The following SLC35F1 variants were observed in gnomAD, a reference collection of about 807,000 sequenced individuals.
SLC35F1 encodes the protein solute carrier family 35 member F1.
SLC35F1 carries 14 observed loss-of-function variants against 48.7 expected under a neutral mutation model. That is an observed-to-expected ratio of 0.29 (90% CI 0.19 to 0.45). SLC35F1 has a LOEUF of 0.45. Ranked by LOEUF, SLC35F1 falls within the 20% of genes least tolerant of loss-of-function variation. The probability of loss-of-function intolerance (pLI) is 1.00; values close to 1 mark genes in which losing one functional copy is unlikely to be tolerated. For missense variants in SLC35F1, 404 were observed against 500.0 expected, an observed-to-expected ratio of 0.81 and a Z score of 1.83; for synonymous variants, 190 against 202.2, an observed-to-expected ratio of 0.94 and a Z score of 0.51.
chr6:118,011,348 G>T (rs1034387208), intron 1 of SLC35F1, among the ~76,000 whole-genome samples: 1 of 152,182 alleles, frequency 6.6e-6, no homozygotes, highest in Non-Finnish European at 1.5e-5. Flanking sequence ...GGAGGAAGGT[G>T]AAGGGGAAGC....
At chr6:118,136,840 T>C (rs1773804432) in intron 1 of SLC35F1, among the ~76,000 whole-genome samples, 2 of 152,202 alleles carry the variant, frequency 1.3e-5, no homozygotes, top group South Asian at 4.1e-4. Context: ...GAGAACACTC[T>C]GTAAGAAAAC....
At chr6:118,228,523 C>T (rs1216632011) in intron 2 of SLC35F1, among the ~76,000 whole-genome samples, 2 of 151,894 alleles carry the variant, frequency 1.3e-5, no homozygotes, top group Admixed American at 6.6e-5. Flanking sequence ...GGCAACATGA[C>T]GAAATCCCGA....
chr6:117,989,473 G>A (rs1776890080), intron 1 of SLC35F1, among the ~76,000 whole-genome samples: 2 of 152,274 alleles, frequency 1.3e-5, no homozygotes, highest in East Asian at 1.9e-4. Flanking sequence ...TGGTCCGATT[G>A]TCCTAGGTAG....
chr6:118,127,375 C>A (rs1327456197), intron 1 of SLC35F1, among the ~76,000 whole-genome samples: 1 of 151,902 alleles, frequency 6.6e-6, no homozygotes, highest in African/African-American at 2.4e-5. Flanking sequence ...CTGCTGGATT[C>A]GGTTTGCCAG....
intron 1 of SLC35F1, among the ~76,000 whole-genome samples, chr6:117,972,808 C>A (rs1776660113): frequency 6.6e-6 from 1 of 152,118 alleles, no homozygotes. Flanking sequence ...TGGGTGGGGA[C>A]ACAGCCAAAT....
chr6:118,105,566 T>A (rs1276160455), intron 1 of SLC35F1, among the ~76,000 whole-genome samples: 1 of 152,248 alleles, frequency 6.6e-6, no homozygotes, highest in African/African-American at 2.4e-5. Flanking sequence ...AATTCATTGA[T>A]CTTTCTACGC....
intron 1 of SLC35F1, among the ~76,000 whole-genome samples, chr6:117,942,224 C>G (rs1211810348): frequency 6.6e-6 from 1 of 152,040 alleles, no homozygotes; most frequent in Non-Finnish European, 1.5e-5. Flanking sequence ...ACACCAAGGC[C>G]CATGCTCTTG....
At chr6:118,059,854 G>A (rs746960100) in intron 1 of SLC35F1, among the ~76,000 whole-genome samples, 52 of 152,162 alleles carry the variant, frequency 3.4e-4, no homozygotes, top group Non-Finnish European at 6.8e-4. Context: ...CTGATTGAAA[G>A]ATCTACTACT....
At chr6:118,115,684 A>AT (rs1047867914) in intron 1 of SLC35F1, among the ~76,000 whole-genome samples, 9 of 152,248 alleles carry the variant, frequency 5.9e-5, no homozygotes, top group African/African-American at 1.7e-4. Context: ...TTCTTCTTGC[A>AT]TTTTACCCAG....
intron 7 of SLC35F1, among the ~76,000 whole-genome samples, chr6:118,298,990 C>G (rs1776225301): frequency 6.6e-6 from 1 of 152,092 alleles, no homozygotes; most frequent in Non-Finnish European, 1.5e-5. Flanking sequence ...GCCTGGGCAA[C>G]ATAGGGACAC....
intron 1 of SLC35F1, among the ~76,000 whole-genome samples, chr6:118,043,214 T>C (rs1255176724): frequency 1.3e-5 from 2 of 152,144 alleles, no homozygotes; most frequent in East Asian, 3.9e-4. Flanking sequence ...ACAGAATAAA[T>C]AAAAATCACT....
intron 1 of SLC35F1, among the ~76,000 whole-genome samples, chr6:117,998,766 A>G (rs1055044477): frequency 1.3e-5 from 2 of 152,238 alleles, no homozygotes; most frequent in South Asian, 2.1e-4. Context: ...TCTGGGACAC[A>G]TTCAAAGCAG....
At chr6:118,057,534 GA>G (rs1273713212) in intron 1 of SLC35F1, among the ~76,000 whole-genome samples, 1 of 122,218 alleles carries the variant, frequency 8.2e-6, no homozygotes, top group Non-Finnish European at 1.8e-5. Context: ...AGTATAGTAA[GA>G]AGAAAAAAAA....
chr6:117,969,763 T>C (rs1776616320), intron 1 of SLC35F1, among the ~76,000 whole-genome samples: 2 of 152,180 alleles, frequency 1.3e-5, no homozygotes, highest in Non-Finnish European at 2.9e-5. Flanking sequence ...AAAACATTTT[T>C]TACTTTTTGG....
chr6:118,164,111 G>A (rs1677251729), intron 2 of SLC35F1, among the ~76,000 whole-genome samples: 1 of 152,146 alleles, frequency 6.6e-6, no homozygotes, highest in African/African-American at 2.4e-5. Context: ...ACTCGAAGAA[G>A]CATCATCATG....
intron 1 of SLC35F1, among the ~76,000 whole-genome samples, chr6:118,098,680 T>G (rs551143291): frequency 6.6e-6 from 1 of 152,180 alleles, no homozygotes; most frequent in African/African-American, 2.4e-5. Flanking sequence ...TTCTCTCCAA[T>G]GTATGTCTTA....
At chr6:118,285,865 A>G (rs1413805657) in intron 7 of SLC35F1, among the ~76,000 whole-genome samples, 6 of 152,212 alleles carry the variant, frequency 3.9e-5, no homozygotes, top group Non-Finnish European at 8.8e-5. Flanking sequence ...CAAAGAGATC[A>G]TGTGAGGCAC....
intron 1 of SLC35F1, among the ~76,000 whole-genome samples, chr6:118,003,986 A>C (rs1258208430): frequency 1.4e-4 from 21 of 152,224 alleles, no homozygotes. Context: ...ATATAGTGAT[A>C]TCTCAACAGG....
chr6:118,250,278 G>A (rs1040313613), intron 3 of SLC35F1, among the ~76,000 whole-genome samples: 1 of 152,138 alleles, frequency 6.6e-6, no homozygotes, highest in Non-Finnish European at 1.5e-5. Flanking sequence ...TTAATTGGCT[G>A]TCTTGTCTTA....
Sources: gnomAD v4.1 joint callset for allele counts (sites outside exome capture counted in the v4.1 genomes callset) on GRCh38, gnomAD v4.1.1 for gene constraint, MANE v1.5 for transcripts, NCBI Gene and HGNC (gene_info 2026-07-23, HGNC 2026-07-21) for gene names.